Variants in MBOAT2 observed in about 807,000 individuals in gnomAD.
MBOAT2 encodes membrane bound glycerophospholipid O-acyltransferase 2, also known as membrane-bound glycerophospholipid O-acyltransferase 2.
MBOAT2 carries 28 observed loss-of-function variants against 63.4 expected under a neutral mutation model. That is an observed-to-expected ratio of 0.44 (90% CI 0.33 to 0.61). The LOEUF is 0.61. MBOAT2 is among the 20% of genes least tolerant of loss of function. MBOAT2 has a pLI of 0.03. For synonymous variants in MBOAT2, 211 were observed against 215.6 expected (o/e 0.98, Z 0.19); for missense variants, 470 against 605.8 (o/e 0.78, Z 2.35).
chr2:8,998,366 T>G (rs766228896), intron 1 of MBOAT2, among the ~76,000 whole-genome samples: 1 of 152,202 alleles, frequency 6.6e-6, no homozygotes, highest in Non-Finnish European at 1.5e-5. Flanking sequence ...CCTAGAGCAT[T>G]CAAATGGCAA....
At chr2:8,883,189 A>G (rs1663271324) in intron 5 of MBOAT2, among the ~76,000 whole-genome samples, 1 of 152,182 alleles carries the variant, frequency 6.6e-6, no homozygotes. Context: ...TAATAAATTA[A>G]TAAACTAATA....
intron 1 of MBOAT2, among the ~76,000 whole-genome samples, chr2:8,968,856 C>T (rs906605569): frequency 6.6e-6 from 1 of 152,096 alleles, no homozygotes; most frequent in Admixed American, 6.6e-5. Flanking sequence ...ACGAAAAAAG[C>T]CTCCAAGAAA....
At chr2:8,960,892 G>T (rs1306144245) in intron 1 of MBOAT2, among the ~76,000 whole-genome samples, 1 of 152,208 alleles carries the variant, frequency 6.6e-6, no homozygotes, top group East Asian at 1.9e-4. Context: ...AAAGGGCATT[G>T]TAAGGAAGAA....
At chr2:8,898,620 C>G (rs1001482951) in intron 4 of MBOAT2, among the ~76,000 whole-genome samples, 3 of 152,186 alleles carry the variant, frequency 2.0e-5, no homozygotes, top group African/African-American at 7.2e-5. Context: ...ACTGAAGGAC[C>G]AGAGTGCCTG....
chr2:8,922,295 A>G (rs932889722), intron 3 of MBOAT2, among the ~76,000 whole-genome samples: 9 of 152,118 alleles, frequency 5.9e-5, no homozygotes, highest in African/African-American at 2.2e-4. Flanking sequence ...CTTTAAATGT[A>G]TTTATAATAG....
At chr2:8,891,606 T>G (rs1040439391) in intron 4 of MBOAT2, among the ~76,000 whole-genome samples, 1 of 152,238 alleles carries the variant, frequency 6.6e-6, no homozygotes, top group Non-Finnish European at 1.5e-5. Flanking sequence ...TTTACTGACA[T>G]TTTAACTATT....
At chr2:8,916,188 A>G (rs1423784759) in intron 3 of MBOAT2, among the ~76,000 whole-genome samples, 2 of 152,224 alleles carry the variant, frequency 1.3e-5, no homozygotes, top group African/African-American at 4.8e-5. Context: ...CCTCATCAAC[A>G]CTGAGCTGTT....
Position 8,924,641 on chromosome 2 carries a change from T to C in MBOAT2, c.300-15925A>G, listed in dbSNP as rs970203010. 2.6e-5 allele frequency among the ~76,000 whole-genome samples: 4 copies of C among 152,032 alleles called. No individual in the cohort carries two copies. The East Asian group carries it at 7.7e-4, about 29-fold the overall frequency. On this transcript the variant is annotated intron_variant, in intron 3 of 12. Transcript: ENST00000305997. Reference sequence around the variant, plus strand: ...TACATGAAGTCACTTGATTCTTTCCTGTTCTCACTTTTGTTTACAGATGAC... The same window carrying C: ...TACATGAAGTCACTTGATTCTTTCCCGTTCTCACTTTTGTTTACAGATGAC...
At chr2:8,886,934 G>A (rs1367143552) in intron 5 of MBOAT2, among the ~76,000 whole-genome samples, 5 of 152,104 alleles carry the variant, frequency 3.3e-5, no homozygotes, top group Admixed American at 6.6e-5. Context: ...TAACAGGGTC[G>A]AGTGAGTTTC....
chr2:8,994,606 G>A (rs1469140003), intron 1 of MBOAT2, among the ~76,000 whole-genome samples: 1 of 152,212 alleles, frequency 6.6e-6, no homozygotes, highest in Non-Finnish European at 1.5e-5. Context: ...AATGCTGCAT[G>A]GGATGCGAGA....
chr2:8,951,723 TGTTTATAA>T (rs1668849925), intron 2 of MBOAT2, among the ~76,000 whole-genome samples: 1 of 152,252 alleles, frequency 6.6e-6, no homozygotes, highest in South Asian at 2.1e-4. Context: ...TGCACAGAGA[TGTTTATAA>T]TAGTCTCTGA....
At chr2:8,918,638 G>A (rs540386537) in intron 3 of MBOAT2, among the ~76,000 whole-genome samples, 4 of 152,278 alleles carry the variant, frequency 2.6e-5, no homozygotes, top group Middle Eastern at 3.4e-3. Context: ...GAACAGGTGT[G>A]CCCATATTTG....
At chr2:8,919,343 G>C (rs1251028256) in intron 3 of MBOAT2, among the ~76,000 whole-genome samples, 1 of 152,186 alleles carries the variant, frequency 6.6e-6, no homozygotes, top group African/African-American at 2.4e-5. Context: ...TGTAAGCAAC[G>C]TATGAAGATT....
chr2:8,897,046 T>C (rs1038349859), intron 4 of MBOAT2, among the ~76,000 whole-genome samples: 1 of 152,254 alleles, frequency 6.6e-6, no homozygotes, highest in Admixed American at 6.5e-5. Context: ...AGAGAAGACC[T>C]TCAATTATCA....
At chr2:8,950,702 C>T (rs1337093685) in intron 2 of MBOAT2, among the ~76,000 whole-genome samples, 2 of 152,184 alleles carry the variant, frequency 1.3e-5, no homozygotes, top group Admixed American at 1.3e-4. Flanking sequence ...GCTGGGATTA[C>T]AGGCATGAGC....
At chr2:8,944,819 C>G (rs999317856) in intron 2 of MBOAT2, among the ~76,000 whole-genome samples, 4 of 152,076 alleles carry the variant, frequency 2.6e-5, no homozygotes, top group African/African-American at 9.7e-5. Flanking sequence ...TTATGATCTA[C>G]CTCTTATGTG....
intron 4 of MBOAT2, among the ~76,000 whole-genome samples, chr2:8,895,022 A>C (rs1664332467): frequency 6.6e-6 from 1 of 152,228 alleles, no homozygotes; most frequent in South Asian, 2.1e-4. Flanking sequence ...TTCAGGAGTA[A>C]AGCTGCAGAC....
rs190175915 is a variant in MBOAT2, at chr2:8,888,785, T to C, written c.396-712A>G. ...GCTCATGCCTGTAATCTCAGCACTT[T>C]GGGAGGCTGAGGCGGGAGAATCGCT... On this transcript the variant is annotated intron_variant, in intron 4 of 12. Transcript: ENST00000305997. Among the ~76,000 whole-genome samples the C allele has an allele frequency of 5.3e-3, 802 of 152,178 alleles. 2 individuals are homozygous for C. Among genetic ancestry groups the C allele is most frequent in the Non-Finnish European group, 8.0e-3 (547 of 68,008 alleles).
intron 7 of MBOAT2, among the ~76,000 whole-genome samples, chr2:8,876,412 T>C (rs924547330): frequency 3.9e-5 from 6 of 152,214 alleles, no homozygotes; most frequent in Non-Finnish European, 7.3e-5. Flanking sequence ...AAAGAGTAAC[T>C]ACGTGTGAGG....
Sources: allele counts gnomAD v4.1 joint callset (sites outside exome capture counted in the v4.1 genomes callset), GRCh38; gene constraint gnomAD v4.1.1; transcripts MANE v1.5; gene names NCBI Gene and HGNC (gene_info 2026-07-23, HGNC 2026-07-21).